The following COL27A1 variants were observed in gnomAD, a reference collection of about 807,000 sequenced individuals.
COL27A1 encodes collagen type XXVII alpha 1 chain.
In COL27A1, 106 loss-of-function variants were observed where a neutral mutation model predicts 251.3. The observed-to-expected ratio is 0.42, with a 90% CI of 0.36 to 0.50. The LOEUF (loss-of-function observed/expected upper bound fraction) is 0.50. Ranked by LOEUF, COL27A1 falls within the 20% of genes least tolerant of loss-of-function variation. COL27A1 has a pLI of 0.00. For missense variants in COL27A1, 2,325 were observed against 2,522.8 expected (o/e 0.92, Z 1.68); for synonymous variants, 1,000 against 986.3 (o/e 1.01, Z -0.26).
intron 1 of COL27A1, among the ~76,000 whole-genome samples, chr9:114,159,988 C>T (rs976831705): frequency 5.9e-5 from 9 of 152,212 alleles, no homozygotes; most frequent in African/African-American, 1.2e-4. Flanking sequence ...GACCTTTAGT[C>T]GTTGCCCATG....
At chr9:114,296,510 G>A (rs192796917) in intron 49 of COL27A1, among the ~76,000 whole-genome samples, 1 of 152,140 alleles carries the variant, frequency 6.6e-6, no homozygotes, top group African/African-American at 2.4e-5. Flanking sequence ...AGATGCTATG[G>A]CATACCTATT....
chr9:114,157,060 G>A (rs1848167524), intron 1 of COL27A1, among the ~76,000 whole-genome samples: 1 of 139,468 alleles, frequency 7.2e-6, no homozygotes, highest in South Asian at 2.3e-4. Context: ...CCCCCGCCCC[G>A]CACCCCCTCA....
intron 48 of COL27A1, 76 bp from the exon 49 acceptor site, chr9:114,292,027 C>A: frequency 7.7e-7 from 1 of 1,301,454 alleles, no homozygotes; most frequent in Non-Finnish European, 1.1e-6. Flanking sequence ...TCTGGCTCTC[C>A]CAGGCCCCCT....
At chr9:114,220,603 G>A (rs1831026527) in intron 13 of COL27A1, among the ~76,000 whole-genome samples, 1 of 152,196 alleles carries the variant, frequency 6.6e-6, no homozygotes, top group Non-Finnish European at 1.5e-5. Context: ...ACCTGGGTTT[G>A]AATTTTGTTG....
At chr9:114,282,725 C>T (rs1377781059) in intron 39 of COL27A1, among the ~76,000 whole-genome samples, 161 bp downstream of exon 39, 1 of 152,206 alleles carries the variant, frequency 6.6e-6, no homozygotes, top group Non-Finnish European at 1.5e-5. Flanking sequence ...AATCATGAAT[C>T]GCTTTGGTAA....
intron 16 of COL27A1, 46 bp from the exon 17 acceptor site, chr9:114,235,553 A>G (rs2135452811): frequency 1.3e-6 from 2 of 1,509,190 alleles, no homozygotes; most frequent in Non-Finnish European, 1.8e-6. Flanking sequence ...GGCTTCCAGA[A>G]CCCACGTGGC....
intron 5 of COL27A1, among the ~76,000 whole-genome samples, chr9:114,194,027 G>C (rs867917035): frequency 6.6e-6 from 1 of 152,186 alleles, no homozygotes; most frequent in Non-Finnish European, 1.5e-5. Flanking sequence ...GCAACAGCCT[G>C]GTCGCAGGAC....
chr9:114,222,226 G>C lies in COL27A1; in HGVS notation c.2425G>C (p.Glu809Gln), dbSNP rs1831161495. The change falls in exon 14 of 61, where the codon GAA (glutamate) becomes CAA (glutamine). Residue 809 changes from glutamate (E) to glutamine (Q), a missense_variant. Around this residue, in one of 4 missense-constraint regions of COL27A1, gnomAD observed 1,183 missense variants for 1,144.1 expected, o/e 1.03. Transcript: ENST00000356083. ...CTTGGTCTCTCTCTATCTGCAGGGAGAACTGGGCCTGCCAGGCCCCCCTGG... is the reference window on the plus strand; with the variant it reads ...CTTGGTCTCTCTCTATCTGCAGGGACAACTGGGCCTGCCAGGCCCCCCTGG... ...GPPGLDGNPG[E>Q]LGLPGPPGVP... 6.2e-7 allele frequency: 1 copy of C among 1,613,666 alleles called. No individual in the cohort carries two copies. Among genetic ancestry groups the C allele is most frequent in the African/African-American group, 1.3e-5 (1 of 74,934 alleles).
At chr9:114,201,991 A>G (rs971729144) in intron 7 of COL27A1, among the ~76,000 whole-genome samples, 4 of 152,170 alleles carry the variant, frequency 2.6e-5, no homozygotes, top group African/African-American at 7.2e-5. Context: ...CCCTCTGAAC[A>G]TCAGTTTCCT....
intron 28 of COL27A1, 42 bp downstream of exon 28, chr9:114,258,636 G>T: frequency 6.2e-7 from 1 of 1,600,878 alleles, no homozygotes; most frequent in Non-Finnish European, 8.5e-7. Flanking sequence ...CTGGTGGGAG[G>T]GGGCACACTT....
At chr9:114,309,170 C>T (rs1053430068) in intron 59 of COL27A1, 90 bp from the exon 60 acceptor site, 1 of 1,036,534 alleles carries the variant, frequency 9.6e-7, no homozygotes, top group Non-Finnish European at 1.5e-6. Flanking sequence ...AGGGGCCTAT[C>T]CCTGTTCCCT....
At position 114,235,701 on chromosome 9, in the gene COL27A1, T is replaced by A. The variant is rs558423546; in HGVS notation, c.2619+49T>A. On this transcript the variant is annotated intron_variant, in intron 17 of 60. Transcript: ENST00000356083. ...CCCCCTGCCCCTGCCCCTGCCCTGC[T>A]GTTCCCCTGGTCTTGGCTTCCTTCC... 1.6e-5 allele frequency: 23 copies of A among 1,454,434 alleles called. No homozygotes were observed. In the African/African-American group the frequency reaches 2.5e-4, roughly 16 times the overall value. The allele number at this position is 1,454,434 out of a possible 1,614,324, so 90.1% of individuals were successfully genotyped here. A position where few individuals can be genotyped will look rare whatever the true frequency, so the allele number is the denominator to read the frequency against.
At position 114,168,218 on chromosome 9, in the gene COL27A1, G is replaced by C. The variant is rs2135075118; in HGVS notation, c.663G>C (p.Val221=). ...TCTGCCAGTTCAGTATCTACCCTGT[G>C]ACGCAGGTCGCTCACAATTACTGTA... ...GALCQFSIYP[V]TQVAHNYCTH... is the part of the protein sequence containing the mutation. The change falls in exon 3 of 61, where the codon GTG becomes GTC. Residue 221 remains valine (V), a synonymous_variant. Coordinates refer to ENST00000356083, the MANE Select transcript of COL27A1 (RefSeq NM_032888.4). 6.2e-7 allele frequency: 1 copy of C among 1,614,008 alleles called. No individual in the cohort carries two copies. The highest frequency in any genetic ancestry group is 1.7e-5 in the Admixed American group (1 of 60,036).
intron 3 of COL27A1, among the ~76,000 whole-genome samples, chr9:114,176,143 C>A (rs1037529811): frequency 6.6e-6 from 1 of 152,196 alleles, no homozygotes; most frequent in Non-Finnish European, 1.5e-5. Flanking sequence ...CTTTTCCTCT[C>A]TGAACCTCTC....
intron 1 of COL27A1, 28 bp from the exon 2 acceptor site, chr9:114,162,687 G>C (rs763487462): frequency 6.4e-7 from 1 of 1,568,160 alleles, no homozygotes; most frequent in African/African-American, 1.4e-5. Context: ...AGCTGATGCC[G>C]CCTCTGCTTG....
At chr9:114,254,473 T>G (rs1299069316) in intron 27 of COL27A1, among the ~76,000 whole-genome samples, 1 of 152,050 alleles carries the variant, frequency 6.6e-6, no homozygotes, top group Non-Finnish European at 1.5e-5. Flanking sequence ...GGGCACTCGC[T>G]TCAGCCAAAG....
intron 44 of COL27A1, 76 bp from the exon 45 acceptor site, chr9:114,289,166 C>CA: frequency 7.0e-7 from 1 of 1,434,942 alleles, no homozygotes; most frequent in Non-Finnish European, 9.5e-7. Flanking sequence ...ACCCCTCCCC[C>CA]TCCAGGCGGA....
At chr9:114,247,934 C>A (rs1366096599) in intron 24 of COL27A1, among the ~76,000 whole-genome samples, 2 of 152,040 alleles carry the variant, frequency 1.3e-5, no homozygotes, top group African/African-American at 4.8e-5. Flanking sequence ...TTGCAACAAC[C>A]CAATAACAGT....
intron 43 of COL27A1, 34 bp from the exon 44 acceptor site, chr9:114,288,880 G>A (rs373611400): frequency 1.9e-6 from 3 of 1,613,122 alleles, no homozygotes; most frequent in African/African-American, 1.3e-5. Context: ...TCTGCAGGAT[G>A]GGCCCCCCTC....
Sources: gnomAD v4.1 joint callset for allele counts (sites outside exome capture counted in the v4.1 genomes callset) on GRCh38, gnomAD v4.1.1 for gene constraint, gnomAD v4.1.1 regional missense constraint, MANE v1.5 for transcripts, NCBI Gene and HGNC (gene_info 2026-07-23, HGNC 2026-07-21) for gene names.